CPNE1: variants seen among roughly 807,000 people sequenced by gnomAD.
CPNE1 encodes the protein copine 1, also known as copine-1.
CPNE1 carries 58 observed loss-of-function variants against 63.2 expected under a neutral mutation model. That is an observed-to-expected ratio of 0.92 (90% CI 0.74 to 1.14). The LOEUF (loss-of-function observed/expected upper bound fraction) is 1.14, where lower values mean the gene tolerates loss of function less well. CPNE1 is among the 50% of genes most tolerant of loss of function. The probability of loss-of-function intolerance (pLI) is 0.00; values close to 1 mark genes in which losing one functional copy is unlikely to be tolerated. For missense variants in CPNE1, 672 were observed against 661.7 expected, an observed-to-expected ratio of 1.02 and a Z score of -0.17; for synonymous variants, 237 against 249.0, an observed-to-expected ratio of 0.95 and a Z score of 0.45.
chr20:35,662,958 A>T (rs2034315580), intron 1 of CPNE1, among the ~76,000 whole-genome samples: 1 of 152,220 alleles, frequency 6.6e-6, no homozygotes, highest in South Asian at 2.1e-4. Context: ...TACAATCCAT[A>T]AGCAAAGTAA....
Position 35,631,137 on chromosome 20 carries a change from C to T in CPNE1, c.838G>A (p.Gly280Arg). ...TEYSFLDYVM[G>R]GCQINFTVGV... ...ACAGTGAAGTTGATCTGACAGCCTC[C>T]CATCACATAGTCCAGAAAGGAGTAC... Residue 280 changes from glycine (G) to arginine (R), a missense_variant, in exon 10 of 16, where the codon GGA (glycine) becomes AGA (arginine). Transcript: ENST00000397443. 6.2e-7 allele frequency: 1 copy of T among 1,614,106 alleles called. No individual in the cohort carries two copies. The highest frequency in any genetic ancestry group is 8.5e-7 in the Non-Finnish European group (1 of 1,180,024).
intron 1 of CPNE1, chr20:35,653,683 T>C (rs1233352733): frequency 1.2e-6 from 2 of 1,614,118 alleles, no homozygotes; most frequent in African/African-American, 1.3e-5. Flanking sequence ...ATTTGTTATG[T>C]GGGCACAGAC....
rs2032257373 is a variant in CPNE1, at chr20:35,632,831, G to A, written c.93C>T (p.Val31=). ...DIGSKSDPLC[V]LLQDVGGGSW... is the part of the protein sequence containing the mutation. ...TGCCCCCTCCCACATCCTGTAAAAG[G>A]ACGCAGAGTGGGTCAGACTTGGAGC... Residue 31 remains valine, a synonymous_variant, in exon 2 of 16, where the codon GTC becomes GTT. Coordinates refer to ENST00000397443, the MANE Select transcript of CPNE1 (RefSeq NM_152925.3). 2.3e-6 allele frequency: 2 copies of A among 872,778 alleles called. No individual in the cohort carries two copies. Among genetic ancestry groups the A allele is most frequent in the African/African-American group, 1.6e-5 (1 of 61,302 alleles). 54.1% of individuals were successfully genotyped at this position (872,778 alleles called of 1,614,324 possible).
chr20:35,652,424 A>C (rs1348739128), intron 1 of CPNE1: 14 of 1,384,818 alleles, frequency 1.0e-5, no homozygotes, highest in Non-Finnish European at 1.4e-5. Flanking sequence ...ATGCAATTGA[A>C]ACAATCCACA....
At chr20:35,645,636 G>A (rs1161915258) in intron 1 of CPNE1, among the ~76,000 whole-genome samples, 1 of 152,224 alleles carries the variant, frequency 6.6e-6, no homozygotes. Context: ...AAAGCTTGAA[G>A]GTGACAGGTG....
intron 1 of CPNE1, chr20:35,659,116 A>T: frequency 2.1e-6 from 1 of 468,912 alleles, no homozygotes; most frequent in Non-Finnish European, 3.9e-6. Flanking sequence ...AAACCACCAG[A>T]GTACTTCATT....
At chr20:35,660,748 G>C (rs910830080) in intron 1 of CPNE1, among the ~76,000 whole-genome samples, 5 of 152,148 alleles carry the variant, frequency 3.3e-5, no homozygotes, top group Admixed American at 6.5e-5. Context: ...ATCCCTACTG[G>C]AGATTCCAAT....
intron 1 of CPNE1, chr20:35,655,415 G>A: frequency 7.6e-7 from 1 of 1,308,334 alleles, no homozygotes; most frequent in South Asian, 1.5e-5. Context: ...CTACAAGAAT[G>A]ACCAGCTACC....
chr20:35,650,545 A>G (rs2033430427), intron 1 of CPNE1: 2 of 150,532 alleles, frequency 1.3e-5, no homozygotes, highest in Admixed American at 1.3e-4. Context: ...ATTAACTTAA[A>G]TTAAACAGCA....
chr20:35,642,387 CT>C (rs2032861706), intron 1 of CPNE1, among the ~76,000 whole-genome samples: 1 of 152,172 alleles, frequency 6.6e-6, no homozygotes, highest in Non-Finnish European at 1.5e-5. Flanking sequence ...AGGGCCACTC[CT>C]TTAATAAACC....
chr20:35,640,109 A>G (rs557351458), intron 1 of CPNE1, among the ~76,000 whole-genome samples: 1 of 144,492 alleles, frequency 6.9e-6, no homozygotes, highest in East Asian at 2.0e-4. Context: ...TTTCTTTCTC[A>G]TTGGAATCAA....
In CPNE1 at chr20:35,631,806, A is replaced by C. The variant is rs373786240; in HGVS notation, c.538-29T>G. On this transcript the variant is annotated intron_variant, in intron 6 of 15. Coordinates refer to ENST00000397443, the MANE Select transcript of CPNE1 (RefSeq NM_152925.3). The stretch of plus-strand genomic sequence containing the variant: ...AAGGTGGAGGCCAAGGCCTCCAGTG[A>C]GCTCTGGCATGGCCCCCTGAGGAGC... The C allele has an allele frequency of 1.9e-6, 3 of 1,594,232 alleles. No individual in the cohort carries two copies. The African/African-American group carries it at 4.0e-5, about 21-fold the overall frequency.
intron 1 of CPNE1, chr20:35,654,227 G>A: frequency 6.2e-7 from 1 of 1,614,186 alleles, no homozygotes; most frequent in Non-Finnish European, 8.5e-7. Flanking sequence ...TGAATCATCA[G>A]CATTCTGTTT....
chr20:35,627,857 G>C (rs1461791057), intron 13 of CPNE1, among the ~76,000 whole-genome samples: 2 of 152,140 alleles, frequency 1.3e-5, no homozygotes, highest in Non-Finnish European at 2.9e-5. Flanking sequence ...TAAAACTAGA[G>C]AGTATAGCCA....
chr20:35,633,053 C>T lies in CPNE1; in HGVS notation c.1-130G>A, dbSNP rs564019026. 1.2e-3 allele frequency: 868 copies of T among 699,936 alleles called. 13 individuals are homozygous for T. The South Asian group carries it at 0.015, about 12-fold the overall frequency. The allele number at this position is 699,936 out of a possible 1,614,324, so 43.4% of individuals were successfully genotyped here. A position where few individuals can be genotyped will look rare whatever the true frequency, so the allele number is the denominator to read the frequency against. On this transcript the variant is annotated intron_variant, in intron 1 of 15. Coordinates refer to ENST00000397443, the MANE Select transcript of CPNE1 (RefSeq NM_152925.3). The stretch of plus-strand genomic sequence containing the variant: ...GAGCATACGTCCACCCCCGTGACAC[C>T]CAAGGAAGAGAAGGCCTCATAGCCT...
At chr20:35,648,231 T>C (rs2033264166) in intron 1 of CPNE1, among the ~76,000 whole-genome samples, 1 of 152,122 alleles carries the variant, frequency 6.6e-6, no homozygotes, top group Admixed American at 6.5e-5. Flanking sequence ...TCAGATTCTA[T>C]ACTAAAAAGA....
At chr20:35,657,181 A>G (rs997044501) in intron 1 of CPNE1, among the ~76,000 whole-genome samples, 1 of 152,208 alleles carries the variant, frequency 6.6e-6, no homozygotes, top group Non-Finnish European at 1.5e-5. Context: ...GAAATTTGGG[A>G]AGTGTGGGGA....
At chr20:35,660,267 A>G (rs188655431) in intron 1 of CPNE1, among the ~76,000 whole-genome samples, 2 of 151,998 alleles carry the variant, frequency 1.3e-5, no homozygotes, top group African/African-American at 2.4e-5. Flanking sequence ...CAGTGGCGCG[A>G]TCTAGGCTCA....
At position 35,631,176 on chromosome 20, in the gene CPNE1, G is replaced by A. The variant is rs372062779; in HGVS notation, c.802-3C>T. The A allele has an allele frequency of 5.5e-5, 89 of 1,613,884 alleles. No homozygotes were observed. The highest frequency in any genetic ancestry group is 1.6e-4 in the Middle Eastern group (1 of 6,084). Reference sequence around the variant, plus strand: ...AGAAAGGAGTACTCTGTTTCTACCTGCAAATGAAACCAGGGTCATGCCTGG... The same window carrying A: ...AGAAAGGAGTACTCTGTTTCTACCTACAAATGAAACCAGGGTCATGCCTGG... On this transcript the variant is annotated splice_polypyrimidine_tract_variant and splice_region_variant and intron_variant, in intron 9 of 15. Coordinates refer to ENST00000397443, the MANE Select transcript of CPNE1 (RefSeq NM_152925.3).
Sources: allele counts gnomAD v4.1 joint callset (sites outside exome capture counted in the v4.1 genomes callset), GRCh38; gene constraint gnomAD v4.1.1; transcripts MANE v1.5; gene names NCBI Gene and HGNC (gene_info 2026-07-23, HGNC 2026-07-21).